Variants in ATP6V1H observed in about 807,000 individuals in gnomAD.
ATP6V1H encodes V-type proton ATPase subunit H.
In ATP6V1H, 39 loss-of-function variants were observed where a neutral mutation model predicts 71.7. That is an observed-to-expected ratio of 0.54 (90% confidence interval 0.42 to 0.71). The LOEUF (loss-of-function observed/expected upper bound fraction) is 0.71, where lower values mean the gene tolerates loss of function less well. Among genes scored for constraint, ATP6V1H ranks in the 30% least tolerant of loss-of-function variants. The pLI is 0.00. For synonymous variants in ATP6V1H, 192 were observed against 199.3 expected, an observed-to-expected ratio of 0.96 and a Z score of 0.31; for missense variants, 509 against 594.9, an observed-to-expected ratio of 0.86 and a Z score of 1.50.
In ATP6V1H at chr8:53,716,836, G is replaced by A. The variant is rs1159246964; in HGVS notation, c.1392-812C>T. On this transcript the variant is annotated intron_variant, in intron 13 of 13. Coordinates refer to ENST00000359530, the MANE Select transcript of ATP6V1H (RefSeq NM_015941.4). The stretch of plus-strand genomic sequence containing the variant: ...CAATCTTGTCCCTATTTTCCTTTGA[G>A]GCACTTGCCGAAACTTTTGTTTTAG... Among the ~76,000 whole-genome samples, 2 of 152,216 alleles carry A rather than the reference G, an allele frequency of 1.3e-5. 1 individual carries two copies. The highest frequency in any genetic ancestry group is 4.8e-5 in the African/African-American group (2 of 41,446).
At chr8:53,765,551 A>G (rs1448035584) in intron 11 of ATP6V1H, among the ~76,000 whole-genome samples, 1 of 151,796 alleles carries the variant, frequency 6.6e-6, no homozygotes, top group Non-Finnish European at 1.5e-5. Flanking sequence ...AAGAAAGAGA[A>G]ATACTTAGGT....
At position 53,819,578 on chromosome 8, in the gene ATP6V1H, AT is replaced by A. The variant is rs1259629125; in HGVS notation, c.307-2049del. Among the ~76,000 whole-genome samples, 27 of 129,456 alleles carry A rather than the reference AT, an allele frequency of 2.1e-4. 2 individuals are homozygous for A. The highest frequency in any genetic ancestry group is 4.8e-4 in the South Asian group (2 of 4,146). 84.9% of individuals were successfully genotyped at this position (129,456 alleles called of 152,430 possible). A position where few individuals can be genotyped will look rare whatever the true frequency, so the allele number is the denominator to read the frequency against. On this transcript the variant is annotated intron_variant, in intron 4 of 13. Coordinates refer to ENST00000359530, the MANE Select transcript of ATP6V1H (RefSeq NM_015941.4). ...TATATATATATATATATATATATAT[AT>A]ATATATAAAATACACACACATACAC...
Position 53,816,490 on chromosome 8 carries a change from T to C in ATP6V1H, c.420+927A>G, listed in dbSNP as rs1265808708. On this transcript the variant is annotated intron_variant, in intron 5 of 13. Coordinates refer to ENST00000359530, the MANE Select transcript of ATP6V1H (RefSeq NM_015941.4). ...TCTTCAGTACTAGGGCTTCCAAACA[T>C]AGCCTAAGTTTAAAACAGGAGTGTA... Among the ~76,000 whole-genome samples the C allele has an allele frequency of 3.9e-5, 6 of 152,274 alleles. No individual in the cohort carries two copies. In the East Asian group the frequency reaches 1.2e-3, roughly 29 times the overall value.
chr8:53,816,711 G>A (rs1331601489), intron 5 of ATP6V1H, among the ~76,000 whole-genome samples: 2 of 151,982 alleles, frequency 1.3e-5, no homozygotes, highest in Admixed American at 6.6e-5. Flanking sequence ...CAGGAGAATC[G>A]CTTGAACCCG....
chr8:53,809,372 C>T (rs1810200261), intron 7 of ATP6V1H, among the ~76,000 whole-genome samples: 1 of 152,200 alleles, frequency 6.6e-6, no homozygotes, highest in South Asian at 2.1e-4. Context: ...ACTCTCAACA[C>T]ATGGAGGTCT....
intron 13 of ATP6V1H, among the ~76,000 whole-genome samples, chr8:53,733,342 G>A (rs1291045012): frequency 6.6e-6 from 1 of 152,156 alleles, no homozygotes; most frequent in Non-Finnish European, 1.5e-5. Flanking sequence ...CTTCCCCAAA[G>A]GTTCAAGAAC....
At position 53,816,687 on chromosome 8, in the gene ATP6V1H, T is replaced by G. The variant is rs886140689; in HGVS notation, c.420+730A>C. Among the ~76,000 whole-genome samples, 3 of 152,058 alleles carry G rather than the reference T, an allele frequency of 2.0e-5. No homozygotes were observed. The East Asian group carries it at 5.8e-4, about 29-fold the overall frequency. On this transcript the variant is annotated intron_variant, in intron 5 of 13. Transcript: ENST00000359530. Reference sequence around the variant, plus strand: ...GGCGCATGCCTGTAATCCCAGCTACTCAGGAGGCTGAGGCAGGAGAATCGC... The same window carrying G: ...GGCGCATGCCTGTAATCCCAGCTACGCAGGAGGCTGAGGCAGGAGAATCGC...
At chr8:53,802,204 T>C (rs1809931754) in intron 7 of ATP6V1H, among the ~76,000 whole-genome samples, 1 of 152,220 alleles carries the variant, frequency 6.6e-6, no homozygotes, top group Non-Finnish European at 1.5e-5. Flanking sequence ...TTGCAATGTT[T>C]CACATATCCC....
rs149286493 is a variant in ATP6V1H, at chr8:53,769,634, T to A, written c.1159A>T (p.Asn387Tyr). 3.7e-4 allele frequency: 600 copies of A among 1,612,586 alleles called. 1 individual carries two copies. Among genetic ancestry groups the A allele is most frequent in the Non-Finnish European group, 4.9e-4 (579 of 1,179,266 alleles). The change falls in exon 11 of 14, where the codon AAT (asparagine) becomes TAT (tyrosine). Residue 387 changes from asparagine to tyrosine, a missense_variant. Transcript: ENST00000359530. ...RENAVRLNEK[N>Y]YELLKILTKL... ...AAAACTTACTTCAAGAGTTCATAATTCTTCTCATTTAACCTCACAGCATTC... is the reference window on the plus strand; with the variant it reads ...AAAACTTACTTCAAGAGTTCATAATACTTCTCATTTAACCTCACAGCATTC...
At chr8:53,744,610 T>C (rs1807535220) in intron 12 of ATP6V1H, among the ~76,000 whole-genome samples, 2 of 152,190 alleles carry the variant, frequency 1.3e-5, no homozygotes, top group African/African-American at 4.8e-5. Flanking sequence ...GTAATGTTTC[T>C]GGGGTCAGGA....
At chr8:53,796,713 G>A (rs1467858755) in intron 8 of ATP6V1H, among the ~76,000 whole-genome samples, 3 of 152,126 alleles carry the variant, frequency 2.0e-5, no homozygotes, top group Non-Finnish European at 4.4e-5. Flanking sequence ...TCATCATTTG[G>A]AACAAATATA....
rs769099168 is a variant in ATP6V1H, at chr8:53,772,138, T to C, written c.900A>G (p.Glu300=). The C allele has an allele frequency of 9.9e-6, 16 of 1,612,652 alleles. No individual in the cohort carries two copies. The Admixed American group carries it at 1.2e-4, about 12-fold the overall frequency. The change falls in exon 10 of 14, where the codon GAA becomes GAG. Residue 300 remains glutamate (E), a synonymous_variant. Transcript: ENST00000359530. ...TAGCCAGGGCATATTCTTGGCGAGT[T>C]TCTCTTTCAGTTGATTTTTCTAAAA... is the stretch of plus-strand genomic sequence containing the variant. The part of the protein sequence containing the change: ...RNFLEKSTER[E]TRQEYALAMI...
At chr8:53,813,132 TTC>T (rs1810337765) in intron 6 of ATP6V1H, among the ~76,000 whole-genome samples, 1 of 152,236 alleles carries the variant, frequency 6.6e-6, no homozygotes, top group Non-Finnish European at 1.5e-5. Flanking sequence ...ACAAGCATGT[TTC>T]TTACATGTTT....
intron 7 of ATP6V1H, among the ~76,000 whole-genome samples, chr8:53,803,199 T>TAAAAGCA (rs1407817080): frequency 1.2e-4 from 18 of 152,092 alleles, no homozygotes; most frequent in Admixed American, 1.2e-3. Context: ...TAGCCAGGTG[T>TAAAAGCA]GGTGGCGTGC....
chr8:53,763,620 T>C (rs1238081296), intron 11 of ATP6V1H, among the ~76,000 whole-genome samples: 1 of 152,110 alleles, frequency 6.6e-6, no homozygotes, highest in Non-Finnish European at 1.5e-5. Context: ...AAAATCATCT[T>C]GGAAACAAAA....
At chr8:53,719,404 C>T (rs1372278740) in intron 13 of ATP6V1H, among the ~76,000 whole-genome samples, 3 of 152,096 alleles carry the variant, frequency 2.0e-5, no homozygotes, top group African/African-American at 7.2e-5. Flanking sequence ...CTCCTGACCT[C>T]GTGATCTGCC....
intron 11 of ATP6V1H, among the ~76,000 whole-genome samples, chr8:53,764,546 G>A (rs1172534989): frequency 6.7e-6 from 1 of 148,562 alleles, no homozygotes; most frequent in Non-Finnish European, 1.5e-5. Flanking sequence ...AAGATGATGT[G>A]CAAAAAAAAA....
rs138379187 is a variant in ATP6V1H, at chr8:53,788,336, T to C, written c.870+7311A>G. 2.2e-3 allele frequency among the ~76,000 whole-genome samples: 339 copies of C among 152,310 alleles called. 2 individuals are homozygous for C. Among genetic ancestry groups the C allele is most frequent in the African/African-American group, 7.9e-3 (328 of 41,582 alleles). ...CCCATAAATTATTAAATTCTATGCA[T>C]TATAAGTAAAAATTTGAAATTATAA... On this transcript the variant is annotated intron_variant, in intron 9 of 13. Coordinates refer to ENST00000359530, the MANE Select transcript of ATP6V1H (RefSeq NM_015941.4).
chr8:53,838,909 C>G (rs1260790159), intron 2 of ATP6V1H, among the ~76,000 whole-genome samples: 1 of 152,068 alleles, frequency 6.6e-6, no homozygotes, highest in Non-Finnish European at 1.5e-5. Context: ...GGTTCCAGCC[C>G]CCAACAATCT....
Sources: allele counts gnomAD v4.1 joint callset (sites outside exome capture counted in the v4.1 genomes callset), GRCh38; gene constraint gnomAD v4.1.1; transcripts MANE v1.5; gene names NCBI Gene and HGNC (gene_info 2026-07-23, HGNC 2026-07-21).